PCNX2: variants seen among roughly 807,000 people sequenced by gnomAD.
PCNX2 encodes pecanex 2.
Under a neutral mutation model 223.8 loss-of-function variants are expected in PCNX2, and 168 were observed. The observed-to-expected ratio is 0.75, with a 90% CI of 0.66 to 0.85. PCNX2 has a LOEUF of 0.85. Among genes scored for constraint, PCNX2 ranks in the 40% least tolerant of loss-of-function variants. The pLI is 0.00. For missense variants in PCNX2, 2,507 were observed against 2,675.5 expected (o/e 0.94, Z 1.39); for synonymous variants, 1,006 against 1,052.6 (o/e 0.96, Z 0.86).
At chr1:233,272,952 G>A (rs532196124) in intron 1 of PCNX2, among the ~76,000 whole-genome samples, 1 of 152,056 alleles carries the variant, frequency 6.6e-6, no homozygotes, top group Non-Finnish European at 1.5e-5. Flanking sequence ...ATATAAGGAT[G>A]CAAAGGCATA....
intron 21 of PCNX2, among the ~76,000 whole-genome samples, chr1:233,133,082 A>G (rs756779983): frequency 9.2e-5 from 14 of 151,898 alleles, no homozygotes; most frequent in Non-Finnish European, 1.5e-4. Context: ...TACTTTTTGT[A>G]GAGACTGGGT....
chr1:233,064,149 T>C (rs1018965258), intron 23 of PCNX2, among the ~76,000 whole-genome samples: 1 of 152,212 alleles, frequency 6.6e-6, no homozygotes, highest in Non-Finnish European at 1.5e-5. Flanking sequence ...TCTTTTGTAT[T>C]GCGTAGTACT....
In PCNX2 at chr1:233,155,331, A is replaced by G. The variant is rs190129698; in HGVS notation, c.3517+4952T>C. ...TTACTGTATGTGTGTAGCAGTCACA[A>G]TTCTACGGTGACACAGCCATAGGCT... On this transcript the variant is annotated intron_variant, in intron 19 of 33. Transcript: ENST00000258229. 2.4e-4 allele frequency among the ~76,000 whole-genome samples: 36 copies of G among 152,274 alleles called. No individual in the cohort carries two copies. The East Asian group carries it at 4.6e-3, about 20-fold the overall frequency.
the PCNX2 span, among the ~76,000 whole-genome samples, chr1:233,322,904 C>G: frequency 1.3e-5 from 2 of 152,082 alleles, no homozygotes; most frequent in African/African-American, 4.8e-5. Context: ...GTTCCTGGTT[C>G]TCTCCCGTTC....
At chr1:233,085,327 G>A (rs553841753) in intron 23 of PCNX2, among the ~76,000 whole-genome samples, 4 of 93,894 alleles carry the variant, frequency 4.3e-5, no homozygotes, top group African/African-American at 1.8e-4. Context: ...GTGAGACTCC[G>A]TCTCAAAAAA....
intron 13 of PCNX2, among the ~76,000 whole-genome samples, chr1:233,205,673 A>G (rs966908383): frequency 2.6e-5 from 4 of 152,088 alleles, no homozygotes; most frequent in African/African-American, 9.7e-5. Context: ...TCTACTGAGC[A>G]ACAGAGATAG....
At chr1:233,086,887 G>A (rs1449959436) in intron 23 of PCNX2, 1 of 419,648 alleles carries the variant, frequency 2.4e-6, no homozygotes, top group Non-Finnish European at 3.2e-6. Flanking sequence ...AGCCACTGCA[G>A]GCTTTTGAGG....
chr1:233,048,483 A>T (rs567081419), intron 25 of PCNX2, among the ~76,000 whole-genome samples: 2 of 152,328 alleles, frequency 1.3e-5, no homozygotes, highest in South Asian at 4.1e-4. Context: ...GAGACACAAC[A>T]TACCAAAATT....
intron 1 of PCNX2, chr1:233,290,873 A>G: frequency 1.0e-6 from 1 of 985,448 alleles, no homozygotes; most frequent in Non-Finnish European, 1.2e-6. Flanking sequence ...AAGCGGGGAA[A>G]GGGCTGCCCA....
At chr1:233,008,617 C>A (rs1357537362) in intron 28 of PCNX2, among the ~76,000 whole-genome samples, 1 of 152,176 alleles carries the variant, frequency 6.6e-6, no homozygotes, top group African/African-American at 2.4e-5. Context: ...TCCAAATACA[C>A]CCCAGTGTCC....
chr1:233,262,097 C>T lies in PCNX2; in HGVS notation c.428G>A (p.Arg143His), dbSNP rs772546873. 17 of 1,613,820 alleles carry T rather than the reference C, an allele frequency of 1.1e-5. No homozygotes were observed. The highest frequency in any genetic ancestry group is 8.8e-5 in the South Asian group (8 of 91,074). ...TATGCTTTGCCCTCTGGAGCTGCAGCGGAGGGGAGGCGTGGAGAGGTTTCG... is the reference window on the plus strand; with the variant it reads ...TATGCTTTGCCCTCTGGAGCTGCAGTGGAGGGGAGGCGTGGAGAGGTTTCG... ...ASRNLSTPPL[R>H]CSSRGQSITS... The change falls in exon 3 of 34, where the codon CGC (arginine) becomes CAC (histidine). Residue 143 changes from arginine to histidine, a missense_variant. By Grantham distance (29) the Arg-to-His change is conservative (BLOSUM62 0). Coordinates refer to ENST00000258229, the MANE Select transcript of PCNX2 (RefSeq NM_014801.4).
Position 233,259,272 on chromosome 1 carries a change from A to T in PCNX2, c.590T>A (p.Leu197Ter). Residue 197 changes from leucine (L) to a stop codon, truncating the protein, a stop_gained, in exon 5 of 34, where the codon TTA becomes TAA. Transcript: ENST00000258229. LOFTEE classifies it high-confidence loss of function. ...STSPGIKVES[L>*]PASQAHMLET... is the part of the protein sequence containing the mutation. Reference sequence around the variant, plus strand: ...CAGCATGTGTGCTTGAGACGCAGGTAAGCTTTCCACTTTGATACCAGGTGA... The same window carrying T: ...CAGCATGTGTGCTTGAGACGCAGGTTAGCTTTCCACTTTGATACCAGGTGA... 6.2e-7 allele frequency: 1 copy of T among 1,613,896 alleles called. No homozygotes were observed. Among genetic ancestry groups the T allele is most frequent in the Non-Finnish European group, 8.5e-7 (1 of 1,179,868 alleles).
At chr1:233,241,815 A>G (rs1357075693) in intron 8 of PCNX2, among the ~76,000 whole-genome samples, 1 of 152,232 alleles carries the variant, frequency 6.6e-6, no homozygotes, top group Admixed American at 6.5e-5. Flanking sequence ...CATTTTGAAT[A>G]TCTAGTTGAC....
At chr1:233,091,934 G>A (rs1379900090) in intron 22 of PCNX2, among the ~76,000 whole-genome samples, 1 of 151,830 alleles carries the variant, frequency 6.6e-6, no homozygotes, top group Non-Finnish European at 1.5e-5. Context: ...TTTGACCTAG[G>A]TTCAAATAGA....
intron 12 of PCNX2, among the ~76,000 whole-genome samples, chr1:233,212,646 G>A (rs1160877507): frequency 6.6e-6 from 1 of 152,206 alleles, no homozygotes; most frequent in African/African-American, 2.4e-5. Flanking sequence ...TTTTCCTACT[G>A]TCTCAGCACT....
the PCNX2 span, among the ~76,000 whole-genome samples, chr1:233,304,766 C>T: frequency 1.2e-4 from 18 of 152,150 alleles, 1 homozygote; most frequent in East Asian, 3.3e-3. Flanking sequence ...AGGATTTTAA[C>T]AGGGCAAATT....
intron 15 of PCNX2, among the ~76,000 whole-genome samples, chr1:233,189,566 A>T (rs1239743427): frequency 6.6e-6 from 1 of 152,176 alleles, no homozygotes; most frequent in Non-Finnish European, 1.5e-5. Flanking sequence ...TTCAGCATTA[A>T]ATAATATCTA....
At chr1:233,325,388 A>G in the PCNX2 span, among the ~76,000 whole-genome samples, 4 of 151,876 alleles carry the variant, frequency 2.6e-5, no homozygotes, top group Admixed American at 6.6e-5. Context: ...GCCAGGCACG[A>G]TAGCTCACAC....
chr1:233,131,283 A>G (rs909384380), intron 21 of PCNX2, among the ~76,000 whole-genome samples: 1 of 152,182 alleles, frequency 6.6e-6, no homozygotes, highest in East Asian at 1.9e-4. Context: ...AACATTTCAC[A>G]TTGTGCAAGG....
Sources: gnomAD v4.1 joint callset for allele counts (sites outside exome capture counted in the v4.1 genomes callset) on GRCh38, gnomAD v4.1.1 for gene constraint, MANE v1.5 for transcripts, NCBI Gene and HGNC (gene_info 2026-07-23, HGNC 2026-07-21) for gene names.